The following FANCD2 variants were observed in gnomAD, a reference collection of about 807,000 sequenced individuals.
The protein encoded by FANCD2 is FA complementation group D2.
In FANCD2, 131 loss-of-function variants were observed where a neutral mutation model predicts 192.3. That is an observed-to-expected ratio of 0.68 (90% confidence interval 0.59 to 0.79). The LOEUF (loss-of-function observed/expected upper bound fraction) is 0.79, where lower values mean the gene tolerates loss of function less well. Ranked by LOEUF, FANCD2 falls within the 30% of genes least tolerant of loss-of-function variation. The pLI, the probability that FANCD2 is intolerant of heterozygous loss-of-function variation, is 0.00. For missense variants in FANCD2, 1,508 were observed against 1,701.6 expected (o/e 0.89, Z 2.00); for synonymous variants, 524 against 612.5 (o/e 0.86, Z 2.13).
intron 26 of FANCD2, among the ~76,000 whole-genome samples, chr3:10,070,356 C>G (rs564330583): frequency 6.9e-6 from 1 of 145,890 alleles, no homozygotes; most frequent in Admixed American, 6.7e-5. Context: ...CCAGGCCAGC[C>G]GCCCCGTCCG....
intron 29 of FANCD2, among the ~76,000 whole-genome samples, chr3:10,077,072 T>A (rs1408113037): frequency 6.9e-6 from 1 of 145,272 alleles, no homozygotes; most frequent in Admixed American, 6.9e-5. Flanking sequence ...TACAAAAAGT[T>A]AAAAAAAAAA....
At position 10,081,395 on chromosome 3, in the gene FANCD2, T is replaced by C. The variant is rs754574116; in HGVS notation, c.3155T>C (p.Val1052Ala). 1.9e-6 allele frequency: 3 copies of C among 1,614,136 alleles called. No homozygotes were observed. The highest frequency in any genetic ancestry group is 2.5e-6 in the Non-Finnish European group (3 of 1,179,996). ...GTAGTTGATGGACCAGGAGTGAAAG[T>C]TCAGGAGTACCACATAATGTCTTCC... ...HGVVDGPGVK[V>A]QEYHIMSSCY... Residue 1052 changes from valine to alanine, a missense_variant, in exon 32 of 44, where the codon GTT becomes GCT. Val to Ala is a moderately conservative substitution (Grantham distance 64, BLOSUM62 0). This residue lies in a region of FANCD2 where 796 missense variants were observed against 879.4 expected (regional missense o/e 0.91). Transcript: ENST00000675286.
intron 42 of FANCD2, among the ~76,000 whole-genome samples, chr3:10,096,817 A>T (rs1348646964): frequency 6.6e-6 from 1 of 152,218 alleles, no homozygotes; most frequent in East Asian, 1.9e-4. Context: ...ATAGGGACAA[A>T]CATTTCTTTT....
chr3:10,062,339 C>G, intron 20 of FANCD2, 128 bp downstream of exon 20: 1 of 718,418 alleles, frequency 1.4e-6, no homozygotes, highest in Non-Finnish European at 2.4e-6. Context: ...CTCTCAGGTT[C>G]AAGTGATTCT....
intron 26 of FANCD2, among the ~76,000 whole-genome samples, chr3:10,067,769 G>A (rs1433142151): frequency 2.0e-5 from 3 of 152,178 alleles, no homozygotes; most frequent in Non-Finnish European, 4.4e-5. Flanking sequence ...CTGCACTCCA[G>A]CCTGGGTGAC....
intron 20 of FANCD2, among the ~76,000 whole-genome samples, chr3:10,062,632 AAAG>A (rs2087602963): frequency 2.0e-5 from 3 of 152,148 alleles, no homozygotes; most frequent in Admixed American, 1.3e-4. Flanking sequence ...TTCTTTTGTA[AAAG>A]AAGTTTTCCT....
intron 9 of FANCD2, chr3:10,040,083 G>A (rs961500911): frequency 1.4e-5 from 7 of 501,118 alleles, no homozygotes; most frequent in Middle Eastern, 5.4e-4. Flanking sequence ...CGCCCAGGCT[G>A]GAGTGCAGTG....
In FANCD2 at chr3:10,041,663, C is replaced by G; in HGVS notation, c.736C>G (p.Leu246Val). Reference sequence around the variant, plus strand: ...GAATACTTCACTCACTGTCCCAATCCTGGATGTCCTTTCAAGCCTCCGACT... The same window carrying G: ...GAATACTTCACTCACTGTCCCAATCGTGGATGTCCTTTCAAGCCTCCGACT... ...IENTSLTVPI[L>V]DVLSSLRLDP... The change falls in exon 10 of 44, where the codon CTG becomes GTG. Residue 246 changes from leucine to valine, a missense_variant. Leu to Val is a conservative substitution (Grantham distance 32, BLOSUM62 1). Coordinates refer to ENST00000675286, the MANE Select transcript of FANCD2 (RefSeq NM_001018115.3). 1 of 1,613,854 alleles carries G rather than the reference C, an allele frequency of 6.2e-7. No homozygotes were observed. The highest frequency in any genetic ancestry group is 8.5e-7 in the Non-Finnish European group (1 of 1,179,868).
chr3:10,043,112 G>GTAAT lies in FANCD2; in HGVS notation c.951_952insTAAT (p.Ala318Ter). The GTAAT allele has an allele frequency of 6.2e-7, 1 of 1,614,054 alleles. No individual in the cohort carries two copies. Among genetic ancestry groups the GTAAT allele is most frequent in the Non-Finnish European group, 8.5e-7 (1 of 1,180,012 alleles). The stretch of plus-strand genomic sequence containing the variant: ...ATTGTGTTTTGCCATCACGGTTACA[G>GTAAT]GCTTCCCAAGTAAAGTTGAAAAGTA... On this transcript the variant is annotated stop_gained and frameshift_variant, in exon 12 of 44. Coordinates refer to ENST00000675286, the MANE Select transcript of FANCD2 (RefSeq NM_001018115.3). LOFTEE classifies it high-confidence loss of function.
chr3:10,069,459 G>GGCTCCCCCCCCCCCCC (rs758011243), intron 26 of FANCD2, among the ~76,000 whole-genome samples: 10 of 129,430 alleles, frequency 7.7e-5, no homozygotes, highest in African/African-American at 2.0e-4. Flanking sequence ...TAGTTAAGAT[G>GGCTCCCCCCCCCCCCC]CCTCTCCCCC....
chr3:10,047,187 T>C (rs1023846226), intron 15 of FANCD2, among the ~76,000 whole-genome samples: 7 of 152,300 alleles, frequency 4.6e-5, no homozygotes, highest in African/African-American at 9.6e-5. Flanking sequence ...CTAATGAGAA[T>C]ACCTCGCTGG....
intron 28 of FANCD2, 114 bp downstream of exon 28, chr3:10,073,476 A>C: frequency 1.1e-6 from 1 of 875,790 alleles, no homozygotes; most frequent in Non-Finnish European, 2.0e-6. Context: ...ACAGCGAGCC[A>C]AAACTCTCTT....
At chr3:10,093,800 C>G (rs1694794695) in intron 39 of FANCD2, among the ~76,000 whole-genome samples, 1 of 152,212 alleles carries the variant, frequency 6.6e-6, no homozygotes, top group African/African-American at 2.4e-5. Context: ...CGCCACTCCT[C>G]AAGTTTCCTT....
At chr3:10,078,937 C>A (rs929127860) in intron 30 of FANCD2, among the ~76,000 whole-genome samples, 1 of 144,312 alleles carries the variant, frequency 6.9e-6, no homozygotes, top group East Asian at 2.0e-4. Context: ...TGACAGATTT[C>A]GTCTCAAACA....
At chr3:10,074,034 C>T (rs1031245773) in intron 28 of FANCD2, among the ~76,000 whole-genome samples, 25 of 152,172 alleles carry the variant, frequency 1.6e-4, no homozygotes, top group Non-Finnish European at 3.1e-4. Flanking sequence ...CAACCTCCAC[C>T]TCCCGGGTTC....
chr3:10,043,086 C>G lies in FANCD2; in HGVS notation c.925C>G (p.His309Asp). ...GCTTCGGGAGAAGTTGGATCTGCAG[C>G]ATTGTGTTTTGCCATCACGGTTACA... is the stretch of plus-strand genomic sequence containing the variant. ...SELREKLDLQ[H>D]CVLPSRLQAS... Residue 309 changes from histidine to aspartate, a missense_variant, in exon 12 of 44, where the codon CAT becomes GAT. His to Asp is a moderately conservative substitution (Grantham distance 81). Coordinates refer to ENST00000675286, the MANE Select transcript of FANCD2 (RefSeq NM_001018115.3). 6.2e-7 allele frequency: 1 copy of G among 1,614,092 alleles called. No homozygotes were observed.
chr3:10,038,554 A>G (rs1053024316), intron 7 of FANCD2, among the ~76,000 whole-genome samples: 1 of 146,786 alleles, frequency 6.8e-6, no homozygotes, highest in Non-Finnish European at 1.5e-5. Context: ...TTGACTTTCT[A>G]TGTTCCCTTA....
rs778607658 is a variant in FANCD2, at chr3:10,081,102, C to T, written c.2979C>T (p.Asn993=). ...PIARRVPFLK[N]KGSRNIGFSH... ...TCATAACTCTGCATTTATTATAGAA[C>T]AAAGGAAGCCGGAATATTGGATTCT... Residue 993 remains asparagine (N), a splice_region_variant and synonymous_variant, in exon 31 of 44, where the codon AAC becomes AAT. Transcript: ENST00000675286. The T allele has an allele frequency of 1.9e-6, 3 of 1,614,104 alleles. No individual in the cohort carries two copies. The highest frequency in any genetic ancestry group is 2.5e-6 in the Non-Finnish European group (3 of 1,180,028).
chr3:10,055,556 TAA>T (rs1266587592), intron 18 of FANCD2, among the ~76,000 whole-genome samples: 4 of 152,206 alleles, frequency 2.6e-5, no homozygotes, highest in Non-Finnish European at 5.9e-5. Flanking sequence ...CTCACGCCTG[TAA>T]TCCCAGCACT....
Sources: gnomAD v4.1 joint callset for allele counts (sites outside exome capture counted in the v4.1 genomes callset) on GRCh38, gnomAD v4.1.1 for gene constraint, gnomAD v4.1.1 regional missense constraint, MANE v1.5 for transcripts, NCBI Gene and HGNC (gene_info 2026-07-23, HGNC 2026-07-21) for gene names.